ANKLE2: variants seen among roughly 807,000 people sequenced by gnomAD.
The protein encoded by ANKLE2 is ankyrin repeat and LEM domain-containing protein 2.
Under a neutral mutation model 84.2 loss-of-function variants are expected in ANKLE2, and 55 were observed. The ratio of observed to expected loss-of-function variants is 0.65; its 90% CI spans 0.53 to 0.82. The LOEUF is 0.82. ANKLE2 is among the 40% of genes least tolerant of loss of function. The pLI is 0.00. For synonymous variants in ANKLE2, 551 were observed against 486.1 expected (o/e 1.13, Z -1.76); for missense variants, 1,238 against 1,201.9 (o/e 1.03, Z -0.44).
chr12:132,747,099 G>T (rs1327380982), intron 5 of ANKLE2, among the ~76,000 whole-genome samples: 1 of 152,228 alleles, frequency 6.6e-6, no homozygotes, highest in Non-Finnish European at 1.5e-5. Context: ...CAGATGAAAT[G>T]ACCCCACAGG....
intron 1 of ANKLE2, chr12:132,759,145 G>A (rs540681932): frequency 8.7e-5 from 5 of 57,498 alleles, no homozygotes; most frequent in African/African-American, 2.4e-4. Flanking sequence ...GGGCACCCAC[G>A]TGGCAGAGAG....
Position 132,746,165 on chromosome 12 carries a change from GGT to G in ANKLE2, c.1230+1665_1230+1666del, listed in dbSNP as rs375458389. ...AGATGGAGACCATCCTGGCTAACAC[GGT>G]GAAACCCCATCTCTACTAAAAATAC... On this transcript the variant is annotated intron_variant, in intron 5 of 12. Transcript: ENST00000357997. Among the ~76,000 whole-genome samples, 305 of 152,160 alleles carry G rather than the reference GGT, an allele frequency of 2.0e-3. 1 individual carries two copies. The highest frequency in any genetic ancestry group is 6.6e-3 in the African/African-American group (275 of 41,498).
At chr12:132,749,453 G>A (rs1181068970) in intron 3 of ANKLE2, among the ~76,000 whole-genome samples, 1 of 152,224 alleles carries the variant, frequency 6.6e-6, no homozygotes, top group Non-Finnish European at 1.5e-5. Context: ...ACCTCGCCCG[G>A]CCTGATTTCT....
At chr12:132,728,375 C>G (rs903871878) in intron 11 of ANKLE2, among the ~76,000 whole-genome samples, 2 of 152,116 alleles carry the variant, frequency 1.3e-5, no homozygotes, top group African/African-American at 4.8e-5. Flanking sequence ...ACTACAGGTG[C>G]CTGCCACCAC....
chr12:132,747,351 A>G (rs1166532347), intron 5 of ANKLE2, among the ~76,000 whole-genome samples: 1 of 144,150 alleles, frequency 6.9e-6, no homozygotes, highest in Non-Finnish European at 1.5e-5. Flanking sequence ...CGTGTCAGGC[A>G]GCCTCTCTCT....
Position 132,729,903 on chromosome 12 carries a change from A to C in ANKLE2, c.2259T>G (p.Asp753Glu), listed in dbSNP as rs1395829989. 4 of 1,613,438 alleles carry C rather than the reference A, an allele frequency of 2.5e-6. No individual in the cohort carries two copies. The highest frequency in any genetic ancestry group is 2.5e-6 in the Non-Finnish European group (3 of 1,179,886). The change falls in exon 11 of 13, where the codon GAT becomes GAG. Residue 753 changes from aspartate (D) to glutamate (E), a missense_variant. Physicochemically the swap from Asp to Glu is conservative, Grantham distance 45. Coordinates refer to ENST00000357997, the MANE Select transcript of ANKLE2 (RefSeq NM_015114.3). Reference protein sequence around the residue: ...NIGRSVSKTPDESTKTKDQIL... With the variant: ...NIGRSVSKTPEESTKTKDQIL... ...TCTGATCTTTAGTTTTTGTACTTTC[A>C]TCTGGTGTCTTGGAAACGCTACGTC... is the stretch of plus-strand genomic sequence containing the variant.
chr12:132,742,101 G>A (rs1230590033), intron 6 of ANKLE2: 1 of 273,430 alleles, frequency 3.7e-6, no homozygotes, highest in Admixed American at 5.0e-5. Flanking sequence ...ACCTGATTGT[G>A]AGCTTTAAAA....
At chr12:132,732,839 C>T (rs1203080850) in intron 10 of ANKLE2, among the ~76,000 whole-genome samples, 6 of 138,218 alleles carry the variant, frequency 4.3e-5, no homozygotes, top group Non-Finnish European at 7.8e-5. Flanking sequence ...AAGCCCTCTG[C>T]GTGCTGGTGT....
chr12:132,752,523 C>T (rs1430811035), intron 2 of ANKLE2, among the ~76,000 whole-genome samples: 1 of 152,060 alleles, frequency 6.6e-6, no homozygotes, highest in African/African-American at 2.4e-5. Context: ...GTGCCCACCA[C>T]CACACCCCGC....
At chr12:132,752,218 T>C (rs1040762348) in intron 2 of ANKLE2, among the ~76,000 whole-genome samples, 21 of 152,118 alleles carry the variant, frequency 1.4e-4, no homozygotes, top group African/African-American at 5.1e-4. Context: ...CACACCCCTG[T>C]AGTACTAGCT....
At chr12:132,731,388 C>G (rs996217279) in intron 10 of ANKLE2, 3 of 151,682 alleles carry the variant, frequency 2.0e-5, no homozygotes, top group Admixed American at 2.0e-4. Context: ...GTTGAAGATT[C>G]ACTGCTTCTT....
chr12:132,759,656 C>T (rs1309883969), intron 1 of ANKLE2: 2 of 128,360 alleles, frequency 1.6e-5, no homozygotes, highest in Admixed American at 7.0e-5. Flanking sequence ...AAACACCACC[C>T]TCACCCGCCG....
At chr12:132,729,056 A>G (rs1029931073) in intron 11 of ANKLE2, among the ~76,000 whole-genome samples, 6 of 152,054 alleles carry the variant, frequency 3.9e-5, no homozygotes, top group African/African-American at 1.4e-4. Context: ...AAGTCCACAC[A>G]AAAGCTTGTG....
chr12:132,728,818 G>A (rs190408461), intron 11 of ANKLE2, among the ~76,000 whole-genome samples: 23 of 152,244 alleles, frequency 1.5e-4, no homozygotes, highest in Admixed American at 1.1e-3. Context: ...ACCCCCAGAG[G>A]GTGCTCAGTA....
rs2043706358 is a variant in ANKLE2, at chr12:132,726,743, C to T, written c.*499G>A. 6.5e-6 allele frequency: 1 copy of T among 153,374 alleles called. No individual in the cohort carries two copies. Among genetic ancestry groups the T allele is most frequent in the African/African-American group, 2.4e-5 (1 of 41,472 alleles). The allele number at this position is 153,374 out of a possible 1,614,324, so 9.5% of individuals were successfully genotyped here. On this transcript the variant is annotated 3_prime_UTR_variant, in exon 13 of 13. Coordinates refer to ENST00000357997, the MANE Select transcript of ANKLE2 (RefSeq NM_015114.3). The stretch of plus-strand genomic sequence containing the variant: ...TGAACCATGAGACCCACGGGCGAAC[C>T]AACAGGCACTCTGCCACCATCAGAT...
In ANKLE2 at chr12:132,729,690, G is replaced by A; in HGVS notation, c.2472C>T (p.Leu824=). The A allele has an allele frequency of 6.2e-7, 1 of 1,605,334 alleles. No individual in the cohort carries two copies. The change falls in exon 11 of 13, where the codon CTC becomes CTT. Residue 824 remains leucine (L), a synonymous_variant. Transcript: ENST00000357997. ...LEVTREPARR[L]FLFGEEPSKL... The stretch of plus-strand genomic sequence containing the variant: ...CAACACACTCCTACCCAAAAAGGAA[G>A]AGCCGCCTGGCCGGTTCCCTGGTGA...
Position 132,743,389 on chromosome 12 carries a change from A to G in ANKLE2, c.1231-113T>C. The G allele has an allele frequency of 7.6e-7, 1 of 1,318,580 alleles. No individual in the cohort carries two copies. Among genetic ancestry groups the G allele is most frequent in the Non-Finnish European group, 1.0e-6 (1 of 990,958 alleles). 81.7% of individuals were successfully genotyped at this position (1,318,580 alleles called of 1,614,324 possible). A position where few individuals can be genotyped will look rare whatever the true frequency, so the allele number is the denominator to read the frequency against. Reference sequence around the variant, plus strand: ...CATTCATTTATTTATTTTGAGACGGAGTCTCACTGGCGTGATCTTGGCTCA... The same window carrying G: ...CATTCATTTATTTATTTTGAGACGGGGTCTCACTGGCGTGATCTTGGCTCA... On this transcript the variant is annotated intron_variant, in intron 5 of 12. Coordinates refer to ENST00000357997, the MANE Select transcript of ANKLE2 (RefSeq NM_015114.3). This position sits in a 1 kb window ranked among gnomAD's most constrained non-coding sequence, Gnocchi z 4.1.
intron 2 of ANKLE2, among the ~76,000 whole-genome samples, chr12:132,751,929 T>C (rs959145866): frequency 6.6e-6 from 1 of 152,224 alleles, no homozygotes; most frequent in Non-Finnish European, 1.5e-5. Context: ...GTAGTGGAAC[T>C]ATCACAATTA....
chr12:132,728,269 G>A (rs572825454), intron 11 of ANKLE2, 106 bp from the exon 12 acceptor site: 114 of 1,410,014 alleles, frequency 8.1e-5, no homozygotes, highest in East Asian at 5.9e-4. Flanking sequence ...TTGCTCTGTC[G>A]CCCAGGCTGG....
Sources: gnomAD v4.1 joint callset for allele counts (sites outside exome capture counted in the v4.1 genomes callset) on GRCh38, gnomAD v4.1.1 for gene constraint, Gnocchi (gnomAD v3.1) non-coding constraint, MANE v1.5 for transcripts, NCBI Gene and HGNC (gene_info 2026-07-23, HGNC 2026-07-21) for gene names.